Variants in TBC1D14 observed in about 807,000 individuals in gnomAD.
TBC1D14 encodes the protein TBC1 domain family, member 14.
In TBC1D14, 26 loss-of-function variants were observed where a neutral mutation model predicts 79.0. The observed-to-expected ratio is 0.33, with a 90% CI of 0.24 to 0.46. The LOEUF (loss-of-function observed/expected upper bound fraction) is 0.46. Ranked by LOEUF, TBC1D14 falls within the 20% of genes least tolerant of loss-of-function variation. The pLI, the probability that TBC1D14 is intolerant of heterozygous loss-of-function variation, is 1.00. For missense variants in TBC1D14, 769 were observed against 887.6 expected, an observed-to-expected ratio of 0.87 and a Z score of 1.70; for synonymous variants, 394 against 349.9, an observed-to-expected ratio of 1.13 and a Z score of -1.40.
chr4:6,930,819 A>AG (rs996650951), intron 2 of TBC1D14, among the ~76,000 whole-genome samples: 1 of 149,152 alleles, frequency 6.7e-6, no homozygotes, highest in African/African-American at 2.5e-5. Flanking sequence ...AAAACCTGTG[A>AG]GGGGTCTCAG....
intron 12 of TBC1D14, among the ~76,000 whole-genome samples, chr4:7,018,618 G>A (rs1054885864): frequency 2.6e-5 from 4 of 152,192 alleles, no homozygotes; most frequent in Non-Finnish European, 4.4e-5. Context: ...CACCCTGTAC[G>A]CTGCCTAACC....
intron 2 of TBC1D14, among the ~76,000 whole-genome samples, chr4:6,939,102 C>T (rs1712632556): frequency 6.6e-6 from 1 of 152,216 alleles, no homozygotes; most frequent in Admixed American, 6.5e-5. Flanking sequence ...CCTGGCTCTG[C>T]CACCCACTCC....
At chr4:6,934,527 G>A (rs1381971350) in intron 2 of TBC1D14, among the ~76,000 whole-genome samples, 4 of 151,982 alleles carry the variant, frequency 2.6e-5, no homozygotes, top group Admixed American at 1.3e-4. Flanking sequence ...GTGTGGTGGC[G>A]GGTGCCTGTA....
rs748819925 is a variant in TBC1D14, at chr4:6,923,452, T to G, written c.63T>G (p.Gly21=). The G allele has an allele frequency of 6.2e-7, 1 of 1,614,164 alleles. No individual in the cohort carries two copies. The highest frequency in any genetic ancestry group is 2.2e-5 in the East Asian group (1 of 44,884). The change falls in exon 2 of 14, where the codon GGT becomes GGG. Residue 21 remains glycine (G), a synonymous_variant. Coordinates refer to ENST00000409757, the MANE Select transcript of TBC1D14 (RefSeq NM_020773.3). ...TAGCCTTCATGGGTATTCTGGATGG[T>G]CGACCAGGAAACCCCCTTCAGAACC... ...NGVAFMGILD[G]RPGNPLQNLQ... is the part of the protein sequence containing the mutation.
rs758216175 is a variant in TBC1D14, at chr4:6,912,849, C to T, written c.-18+2898C>T. On this transcript the variant is annotated intron_variant, in intron 1 of 13. Transcript: ENST00000409757. ...TCATTTTGCTGCAAGGAAACCAAGG[C>T]TCGGGGAAGTTAAGAAATGAGTCCA... Among the ~76,000 whole-genome samples the T allele has an allele frequency of 3.3e-5, 5 of 152,198 alleles. No individual in the cohort carries two copies. The South Asian group carries it at 1.0e-3, about 32-fold the overall frequency.
At chr4:6,916,466 G>A (rs1230997924) in intron 1 of TBC1D14, among the ~76,000 whole-genome samples, 1 of 152,324 alleles carries the variant, frequency 6.6e-6, no homozygotes, top group Admixed American at 6.5e-5. Flanking sequence ...TTTCTTTTAT[G>A]TATGAAGACT....
At chr4:6,980,761 G>C (rs1256989557) in intron 3 of TBC1D14, among the ~76,000 whole-genome samples, 1 of 151,904 alleles carries the variant, frequency 6.6e-6, no homozygotes, top group Non-Finnish European at 1.5e-5. Flanking sequence ...TGCCACCCAG[G>C]CTGGAGTGCA....
At chr4:6,999,026 G>A in intron 5 of TBC1D14, 59 bp from the exon 6 acceptor site, 1 of 1,550,784 alleles carries the variant, frequency 6.4e-7, no homozygotes, top group East Asian at 2.3e-5. Flanking sequence ...AAATCACCTT[G>A]CCTGGAAATG....
chr4:7,006,949 A>G (rs961749041), intron 9 of TBC1D14, among the ~76,000 whole-genome samples: 3 of 152,276 alleles, frequency 2.0e-5, no homozygotes, highest in South Asian at 4.2e-4. Context: ...CCAAAAGACA[A>G]TTCTGTCTTC....
intron 3 of TBC1D14, among the ~76,000 whole-genome samples, chr4:6,975,503 G>A (rs559411978): frequency 5.3e-5 from 8 of 152,250 alleles, no homozygotes; most frequent in African/African-American, 1.7e-4. Flanking sequence ...GAGCCACTGC[G>A]CCTGGCCAGG....
intron 2 of TBC1D14, among the ~76,000 whole-genome samples, chr4:6,928,555 G>A (rs1182359090): frequency 1.3e-5 from 2 of 152,156 alleles, no homozygotes; most frequent in African/African-American, 2.4e-5. Flanking sequence ...TGAGGGGGCC[G>A]GGTGCGGTGG....
chr4:6,993,651 T>G (rs1275259437), intron 3 of TBC1D14, among the ~76,000 whole-genome samples: 1 of 152,184 alleles, frequency 6.6e-6, no homozygotes, highest in Admixed American at 6.5e-5. Flanking sequence ...TCCTTTGTTA[T>G]TTCCCCACCA....
chr4:6,939,963 G>T (rs1324300636), intron 2 of TBC1D14, among the ~76,000 whole-genome samples: 1 of 152,214 alleles, frequency 6.6e-6, no homozygotes, highest in Non-Finnish European at 1.5e-5. Context: ...CCTACACCAG[G>T]CTCCTTGAGA....
rs975375655 is a variant in TBC1D14 at position 7,033,077 on chromosome 4, G to C, written c.*2685G>C. Reference sequence around the variant, plus strand: ...GTAGGACTTTTTTGAATTGTAAATAGGTGGTTTTATTAAATAAAAGTCAAT... The same window carrying C: ...GTAGGACTTTTTTGAATTGTAAATACGTGGTTTTATTAAATAAAAGTCAAT... On this transcript the variant is annotated 3_prime_UTR_variant, in exon 14 of 14. Coordinates refer to ENST00000409757, the MANE Select transcript of TBC1D14 (RefSeq NM_020773.3). 6.6e-6 allele frequency: 1 copy of C among 152,624 alleles called. No homozygotes were observed. The highest frequency in any genetic ancestry group is 1.5e-5 in the Non-Finnish European group (1 of 68,044). 9.5% of individuals were successfully genotyped at this position (152,624 alleles called of 1,614,324 possible).
chr4:6,964,953 A>G (rs1418875213), intron 2 of TBC1D14, among the ~76,000 whole-genome samples: 1 of 152,162 alleles, frequency 6.6e-6, no homozygotes, highest in East Asian at 1.9e-4. Flanking sequence ...GATAGTATAT[A>G]TGCATATTTT....
chr4:6,989,217 C>T (rs976224018), intron 3 of TBC1D14, among the ~76,000 whole-genome samples: 1 of 152,134 alleles, frequency 6.6e-6, no homozygotes, highest in Non-Finnish European at 1.5e-5. Context: ...GAATGTAGAC[C>T]CTGCCCCTGG....
intron 3 of TBC1D14, among the ~76,000 whole-genome samples, chr4:6,977,092 CTG>C (rs1491462832): frequency 0.019 from 418 of 22,428 alleles, 2 homozygotes; most frequent in Non-Finnish European, 0.034. Context: ...CCTCTCCCCA[CTG>C]TCTCCCTCTC....
chr4:6,944,374 G>A (rs996540072), intron 2 of TBC1D14, among the ~76,000 whole-genome samples: 2 of 152,076 alleles, frequency 1.3e-5, no homozygotes, highest in Admixed American at 6.5e-5. Context: ...GGCTTTTTGC[G>A]TCTGCGTTTT....
At chr4:7,018,302 G>C (rs1010104983) in intron 12 of TBC1D14, among the ~76,000 whole-genome samples, 1 of 152,232 alleles carries the variant, frequency 6.6e-6, no homozygotes, top group Non-Finnish European at 1.5e-5. Context: ...GGCAGGGGCT[G>C]AGGGGCCTGT....
Sources: allele counts gnomAD v4.1 joint callset (sites outside exome capture counted in the v4.1 genomes callset), GRCh38; gene constraint gnomAD v4.1.1; transcripts MANE v1.5; gene names NCBI Gene and HGNC (gene_info 2026-07-23, HGNC 2026-07-21).